Variants in MYLK observed in about 807,000 individuals in gnomAD.
MYLK encodes myosin light chain kinase, also known as myosin light chain kinase, smooth muscle.
Under a neutral mutation model 203.4 loss-of-function variants are expected in MYLK, and 106 were observed. The ratio of observed to expected loss-of-function variants is 0.52; its 90% CI spans 0.45 to 0.61. The LOEUF (loss-of-function observed/expected upper bound fraction) is 0.61, where lower values mean the gene tolerates loss of function less well. Ranked by LOEUF, MYLK falls within the 20% of genes least tolerant of loss-of-function variation. The pLI, the probability that MYLK is intolerant of heterozygous loss-of-function variation, is 0.00. For synonymous variants in MYLK, 867 were observed against 959.5 expected, an observed-to-expected ratio of 0.90 and a Z score of 1.78; for missense variants, 2,072 against 2,442.3, an observed-to-expected ratio of 0.85 and a Z score of 3.20.
intron 19 of MYLK, chr3:123,691,238 A>T (rs1484561532): frequency 1.3e-5 from 2 of 152,200 alleles, no homozygotes; most frequent in African/African-American, 2.4e-5. Context: ...ACAGTGCAGC[A>T]CCTGTATAGA....
chr3:123,666,411 C>T lies in MYLK; in HGVS notation c.3704-65G>A, dbSNP rs548409154. The T allele has an allele frequency of 3.4e-4, 550 of 1,608,598 alleles. 6 individuals are homozygous for T. In the South Asian group the frequency reaches 5.6e-3, roughly 16 times the overall value. ...TCTCAGGCATTCTGATCACATTCGA[C>T]GCCATTGTCCACAGTGGTCTGTTGG... On this transcript the variant is annotated intron_variant, in intron 21 of 33. Coordinates refer to ENST00000360304, the MANE Select transcript of MYLK (RefSeq NM_053025.4).
At chr3:123,721,772 A>C (rs2108737328) in intron 13 of MYLK, among the ~76,000 whole-genome samples, 1 of 150,100 alleles carries the variant, frequency 6.7e-6, no homozygotes, top group East Asian at 2.0e-4. Context: ...TCTGGAGCTA[A>C]GGGAGCCCTA....
intron 4 of MYLK, among the ~76,000 whole-genome samples, chr3:123,753,576 G>A (rs755888): frequency 0.86 from 130,189 of 151,678 alleles, 59,263 homozygotes; most frequent in East Asian, 1. Flanking sequence ...TCAGAGAGAA[G>A]ACATCTCTCA....
intron 4 of MYLK, among the ~76,000 whole-genome samples, chr3:123,786,054 G>A (rs1416245766): frequency 2.0e-5 from 3 of 152,118 alleles, no homozygotes; most frequent in African/African-American, 7.2e-5. Context: ...TGTAATCCCA[G>A]CACTTTGGGA....
At chr3:123,843,008 G>C (rs903176818) in intron 2 of MYLK, among the ~76,000 whole-genome samples, 1 of 152,224 alleles carries the variant, frequency 6.6e-6, no homozygotes, top group East Asian at 1.9e-4. Flanking sequence ...ATTTAAGACA[G>C]AGGGCTTGCT....
At chr3:123,754,286 G>A (rs904148759) in intron 4 of MYLK, among the ~76,000 whole-genome samples, 1 of 152,126 alleles carries the variant, frequency 6.6e-6, no homozygotes, top group African/African-American at 2.4e-5. Flanking sequence ...TCACCCCTCA[G>A]TGCCAGTTTG....
In MYLK at chr3:123,664,290, C is replaced by T. The variant is rs549676121; in HGVS notation, c.3832-32G>A. ...GCGGAGGATGGAGCAGGTGCTGGAG[C>T]CTTGGGCCCCTGGGCTAGGAAAGGA... On this transcript the variant is annotated intron_variant, in intron 22 of 33. Transcript: ENST00000360304. 12 of 1,614,052 alleles carry T rather than the reference C, an allele frequency of 7.4e-6. No individual in the cohort carries two copies. The South Asian group carries it at 8.8e-5, about 12-fold the overall frequency.
At chr3:123,725,699 C>T (rs1410145122) in intron 12 of MYLK, among the ~76,000 whole-genome samples, 1 of 152,190 alleles carries the variant, frequency 6.6e-6, no homozygotes, top group East Asian at 1.9e-4. Flanking sequence ...CAACCACCAC[C>T]CTGCACATAG....
chr3:123,771,983 C>T (rs1200719885), intron 4 of MYLK, among the ~76,000 whole-genome samples: 1 of 151,968 alleles, frequency 6.6e-6, no homozygotes, highest in East Asian at 1.9e-4. Flanking sequence ...CCGTCTACAC[C>T]TCTGATATTG....
chr3:123,612,596 T>G lies in MYLK; in HGVS notation c.*1509A>C, dbSNP rs970511770. 1.4e-4 allele frequency: 22 copies of G among 152,578 alleles called. No individual in the cohort carries two copies. Among genetic ancestry groups the G allele is most frequent in the Non-Finnish European group, 2.6e-4 (18 of 68,026 alleles). 9.5% of individuals were successfully genotyped at this position (152,578 alleles called of 1,614,324 possible). ...AATACTGTGGCTATCATGAAAAATA[T>G]TGTAACTATTTTAAAAGCAAAAGGA... is the stretch of plus-strand genomic sequence containing the variant. On this transcript the variant is annotated 3_prime_UTR_variant, in exon 34 of 34. Transcript: ENST00000360304.
chr3:123,729,093 G>A (rs1343557783), intron 11 of MYLK, among the ~76,000 whole-genome samples: 16 of 152,116 alleles, frequency 1.1e-4, no homozygotes. Flanking sequence ...GCAGGGCTGT[G>A]AGCCTGCCCA....
Position 123,629,707 on chromosome 3 carries a change from G to A in MYLK, c.4962-81C>T, listed in dbSNP as rs1006985772. ...GTGAGTGGTAACTGAGGTCAAAGGCGAGGGTCGGCCAGCCTCCCCACCCCC... is the reference window on the plus strand; with the variant it reads ...GTGAGTGGTAACTGAGGTCAAAGGCAAGGGTCGGCCAGCCTCCCCACCCCC... On this transcript the variant is annotated intron_variant, in intron 29 of 33. Coordinates refer to ENST00000360304, the MANE Select transcript of MYLK (RefSeq NM_053025.4). This position sits in a 1 kb window ranked among gnomAD's most constrained non-coding sequence, Gnocchi z 4.4. 4 of 1,530,510 alleles carry A rather than the reference G, an allele frequency of 2.6e-6. No homozygotes were observed. Among genetic ancestry groups the A allele is most frequent in the African/African-American group, 2.7e-5 (2 of 73,094 alleles). 94.8% of individuals were successfully genotyped at this position (1,530,510 alleles called of 1,614,324 possible). A position where few individuals can be genotyped will look rare whatever the true frequency, so the allele number is the denominator to read the frequency against.
At chr3:123,783,644 A>T (rs1576959884) in intron 4 of MYLK, among the ~76,000 whole-genome samples, 1 of 151,988 alleles carries the variant, frequency 6.6e-6, no homozygotes, top group South Asian at 2.1e-4. Flanking sequence ...TTTACAAAAA[A>T]TTCAAGCAAT....
chr3:123,722,078 G>A (rs56405096), intron 13 of MYLK, 50 bp downstream of exon 13: 3 of 1,550,284 alleles, frequency 1.9e-6, no homozygotes, highest in Non-Finnish European at 2.6e-6. Context: ...CTCCAAAGCA[G>A]AAGTGCCTGC....
chr3:123,801,618 T>C (rs1009403147), intron 3 of MYLK, among the ~76,000 whole-genome samples: 10 of 152,198 alleles, frequency 6.6e-5, no homozygotes, highest in African/African-American at 2.2e-4. Context: ...TCTATTGTTC[T>C]GTTTTTATGT....
intron 18 of MYLK, among the ~76,000 whole-genome samples, chr3:123,696,998 G>A (rs538568379): frequency 3.3e-5 from 5 of 152,358 alleles, no homozygotes; most frequent in Admixed American, 2.0e-4. Flanking sequence ...TCGGGGCTTA[G>A]ATCAAAGTCC....
At chr3:123,769,408 G>A (rs1560194508) in intron 4 of MYLK, among the ~76,000 whole-genome samples, 1 of 152,150 alleles carries the variant, frequency 6.6e-6, no homozygotes, top group Non-Finnish European at 1.5e-5. Context: ...GGTATATTTG[G>A]CACAACTTAC....
chr3:123,752,664 C>T, intron 4 of MYLK, 126 bp from the exon 5 acceptor site: 1 of 970,546 alleles, frequency 1.0e-6, no homozygotes. Flanking sequence ...ATTTCATCCT[C>T]ATTTTACAGA....
chr3:123,750,061 T>A (rs542394797), intron 5 of MYLK, among the ~76,000 whole-genome samples: 1 of 152,202 alleles, frequency 6.6e-6, no homozygotes, highest in Non-Finnish European at 1.5e-5. Context: ...GGGCCCAGAG[T>A]GGACTCTTTC....
Sources: allele counts gnomAD v4.1 joint callset (sites outside exome capture counted in the v4.1 genomes callset), GRCh38; gene constraint gnomAD v4.1.1; non-coding constraint Gnocchi (gnomAD v3.1); transcripts MANE v1.5; gene names NCBI Gene and HGNC (gene_info 2026-07-23, HGNC 2026-07-21).